Variants in BEND3 observed in about 807,000 individuals in gnomAD.
BEND3 encodes BEN domain-containing protein 3.
In BEND3, 13 loss-of-function variants were observed where a neutral mutation model predicts 60.1. That is an observed-to-expected ratio of 0.22 (90% CI 0.14 to 0.34). The LOEUF (loss-of-function observed/expected upper bound fraction) is 0.34, where lower values mean the gene tolerates loss of function less well. Among genes scored for constraint, BEND3 ranks in the 10% least tolerant of loss-of-function variants. The pLI is 1.00. For synonymous variants in BEND3, 497 were observed against 491.5 expected (o/e 1.01, Z -0.15); for missense variants, 896 against 1,138.1 (o/e 0.79, Z 3.06).
chr6:107,107,181 C>A (rs1554237645), intron 1 of BEND3, among the ~76,000 whole-genome samples: 2 of 152,158 alleles, frequency 1.3e-5, no homozygotes. Context: ...AGCTGATCCA[C>A]CCGCCTCGGC....
In BEND3 at chr6:107,097,790, CAAAAAAAAAAAAAAA is replaced by C; in HGVS notation, c.240+746_240+760del. On this transcript the variant is annotated intron_variant, in intron 3 of 3. Transcript: ENST00000369042. ...GGGCAAGAACAGCAAAACTCCGTCT[CAAAAAAAAAAAAAAA>C]AAAAAAAAAACCCCAACAAACCTAT... is the stretch of plus-strand genomic sequence containing the variant. Among the ~76,000 whole-genome samples, 3 of 53,360 alleles carry C rather than the reference CAAAAAAAAAAAAAAA, an allele frequency of 5.6e-5. No individual in the cohort carries two copies. In the South Asian group the frequency reaches 2.7e-3, roughly 47 times the overall value. 35.0% of individuals were successfully genotyped at this position (53,360 alleles called of 152,430 possible). A position where few individuals can be genotyped will look rare whatever the true frequency, so the allele number is the denominator to read the frequency against.
intron 3 of BEND3, among the ~76,000 whole-genome samples, chr6:107,094,129 C>T (rs1246895531): frequency 1.3e-5 from 2 of 151,612 alleles, no homozygotes; most frequent in African/African-American, 2.4e-5. Flanking sequence ...CCGGCACTTT[C>T]GAAGGCTTCA....
At chr6:107,086,829 A>G (rs1224885804) in intron 3 of BEND3, among the ~76,000 whole-genome samples, 2 of 151,678 alleles carry the variant, frequency 1.3e-5, no homozygotes, top group Non-Finnish European at 2.9e-5. Context: ...GATTGAAACC[A>G]TCCTGGCCAA....
intron 2 of BEND3, 88 bp downstream of exon 2, chr6:107,099,161 T>G: frequency 1.8e-6 from 2 of 1,116,914 alleles, no homozygotes; most frequent in South Asian, 1.3e-5. Flanking sequence ...ACTATATAAC[T>G]TTGTATATTT....
Position 107,070,906 on chromosome 6 carries a change from G to C in BEND3, c.285C>G (p.Cys95Trp), listed in dbSNP as rs1554231965. Residue 95 changes from cysteine to tryptophan, a missense_variant, in exon 4 of 4, where the codon TGC (cysteine) becomes TGG (tryptophan). This residue lies in a region of BEND3 where 846 missense variants were observed against 1,036.7 expected (regional missense o/e 0.82). Transcript: ENST00000369042. The surrounding 1 kb of genome is among the most constrained non-coding windows in gnomAD (Gnocchi z 6.9). ...GMRNRENSSPCQGNGEQAGRG... is the reference protein window; with the variant it reads ...GMRNRENSSPWQGNGEQAGRG... ...TGCCGGCCTGCTCACCATTGCCTTG[G>C]CAGGGCGAGCTGTTCTCACGGTTCC... The C allele has an allele frequency of 6.2e-7, 1 of 1,613,742 alleles. No individual in the cohort carries two copies. The highest frequency in any genetic ancestry group is 2.2e-5 in the East Asian group (1 of 44,870).
intron 3 of BEND3, among the ~76,000 whole-genome samples, chr6:107,094,345 G>A (rs782323287): frequency 7.2e-5 from 11 of 151,868 alleles, no homozygotes; most frequent in East Asian, 3.9e-4. Flanking sequence ...AACAACAGCC[G>A]GGCGTGGTGG....
intron 1 of BEND3, among the ~76,000 whole-genome samples, chr6:107,099,793 C>T (rs1046314629): frequency 3.3e-5 from 5 of 152,044 alleles, no homozygotes; most frequent in Non-Finnish European, 5.9e-5. Context: ...GTGGCTAGTC[C>T]AATGGAGATG....
At chr6:107,093,931 T>C (rs1775528506) in intron 3 of BEND3, among the ~76,000 whole-genome samples, 1 of 152,142 alleles carries the variant, frequency 6.6e-6, no homozygotes, top group Non-Finnish European at 1.5e-5. Flanking sequence ...CAAGATACTG[T>C]CAAAAGAATG....
chr6:107,089,398 C>T (rs953680180), intron 3 of BEND3, among the ~76,000 whole-genome samples: 3 of 151,492 alleles, frequency 2.0e-5, no homozygotes, highest in African/African-American at 7.3e-5. Flanking sequence ...CTGGCTAACA[C>T]GGTGAAACCC....
chr6:107,078,861 C>A (rs117716442), intron 3 of BEND3, among the ~76,000 whole-genome samples: 1 of 151,742 alleles, frequency 6.6e-6, no homozygotes, highest in Admixed American at 6.6e-5. Context: ...TAGAGAAGGG[C>A]GGGTCCCTGG....
At chr6:107,089,789 T>G (rs1368589264) in intron 3 of BEND3, among the ~76,000 whole-genome samples, 1 of 149,924 alleles carries the variant, frequency 6.7e-6, no homozygotes, top group Non-Finnish European at 1.5e-5. Flanking sequence ...GAGATGGGGT[T>G]TCACCATGTT....
intron 3 of BEND3, among the ~76,000 whole-genome samples, chr6:107,076,197 G>C (rs1582644662): frequency 6.6e-6 from 1 of 152,310 alleles, no homozygotes; most frequent in Non-Finnish European, 1.5e-5. Context: ...CAATGGGCTG[G>C]CTGCGTTTGT....
intron 1 of BEND3, among the ~76,000 whole-genome samples, chr6:107,112,719 G>C (rs1334644950): frequency 1.3e-5 from 2 of 152,120 alleles, no homozygotes; most frequent in African/African-American, 2.4e-5. Context: ...CGGGCATGGT[G>C]GCGCGCGCCT....
chr6:107,070,401 C>G lies in BEND3; in HGVS notation c.790G>C (p.Gly264Arg). The G allele has an allele frequency of 6.2e-7, 1 of 1,613,912 alleles. No homozygotes were observed. Among genetic ancestry groups the G allele is most frequent in the Non-Finnish European group, 8.5e-7 (1 of 1,180,030 alleles). The change falls in exon 4 of 4, where the codon GGG (glycine) becomes CGG (arginine). Residue 264 changes from glycine to arginine, a missense_variant. Gly to Arg is a moderately radical substitution (Grantham distance 125). Coordinates refer to ENST00000369042, the MANE Select transcript of BEND3 (RefSeq NM_001367314.1). The surrounding 1 kb of genome is among the most constrained non-coding windows in gnomAD (Gnocchi z 6.9). Reference sequence around the variant, plus strand: ...ACCAGCAAGCGGCAGGCCAGGTCCCCCCCTGACAGGCTCTGGTCCACGATC... The same window carrying G: ...ACCAGCAAGCGGCAGGCCAGGTCCCGCCCTGACAGGCTCTGGTCCACGATC... ...KQIVDQSLSG[G>R]DLACRLLVQL... is the part of the protein sequence containing the mutation.
chr6:107,108,206 C>G (rs1775861972), intron 1 of BEND3, among the ~76,000 whole-genome samples: 1 of 152,186 alleles, frequency 6.6e-6, no homozygotes, highest in Non-Finnish European at 1.5e-5. Flanking sequence ...CGCATGCAGC[C>G]AAGCACAGCC....
At chr6:107,071,095 T>C in intron 3 of BEND3, 145 bp from the exon 4 acceptor site, 1 of 755,424 alleles carries the variant, frequency 1.3e-6, no homozygotes, top group South Asian at 2.0e-5. Context: ...CACTCTGTCA[T>C]CCAAGGATGC....
chr6:107,083,475 C>T (rs1775274192), intron 3 of BEND3, among the ~76,000 whole-genome samples: 1 of 151,656 alleles, frequency 6.6e-6, no homozygotes, highest in Admixed American at 6.6e-5. Context: ...AACAACAACC[C>T]CCAAAAACAA....
chr6:107,078,584 T>C (rs1582646753), intron 3 of BEND3, among the ~76,000 whole-genome samples: 1 of 65,434 alleles, frequency 1.5e-5, no homozygotes, highest in Non-Finnish European at 3.1e-5. Flanking sequence ...CCTCCCAAAG[T>C]GCTGGGATTA....
intron 1 of BEND3, chr6:107,114,243 G>A (rs781845590): frequency 2.0e-5 from 3 of 152,250 alleles, no homozygotes; most frequent in Non-Finnish European, 2.9e-5. Context: ...CATAGAGAAG[G>A]AAAGGAGCGC....
Sources: allele counts gnomAD v4.1 joint callset (sites outside exome capture counted in the v4.1 genomes callset), GRCh38; gene constraint gnomAD v4.1.1; regional missense constraint gnomAD v4.1.1; non-coding constraint Gnocchi (gnomAD v3.1); transcripts MANE v1.5; gene names NCBI Gene and HGNC (gene_info 2026-07-23, HGNC 2026-07-21).